LUZP2: variants seen among roughly 807,000 people sequenced by gnomAD.
LUZP2 encodes leucine zipper protein 2.
In LUZP2, 52 loss-of-function variants were observed where a neutral mutation model predicts 51.6. The ratio of observed to expected loss-of-function variants is 1.01; its 90% CI spans 0.81 to 1.27. The LOEUF is 1.27. Among genes scored for constraint, LUZP2 ranks in the 50% most tolerant of loss-of-function variants. The pLI, the probability that LUZP2 is intolerant of heterozygous loss-of-function variation, is 0.00. For missense variants in LUZP2, 436 were observed against 395.4 expected, an observed-to-expected ratio of 1.10 and a Z score of -0.87; for synonymous variants, 154 against 137.3, an observed-to-expected ratio of 1.12 and a Z score of -0.85.
At chr11:24,798,171 C>A (rs945490395) in intron 5 of LUZP2, among the ~76,000 whole-genome samples, 1 of 149,344 alleles carries the variant, frequency 6.7e-6, no homozygotes, top group Non-Finnish European at 1.5e-5. Context: ...TAATTAGCTT[C>A]TTTCTTTGAA....
chr11:24,766,863 G>A (rs936805463), intron 5 of LUZP2, among the ~76,000 whole-genome samples: 3 of 152,166 alleles, frequency 2.0e-5, no homozygotes, highest in Non-Finnish European at 4.4e-5. Context: ...TTGGGTTCAA[G>A]TGATACCCCT....
intron 1 of LUZP2, among the ~76,000 whole-genome samples, chr11:24,562,935 A>G (rs1324333470): frequency 1.3e-5 from 2 of 152,082 alleles, no homozygotes; most frequent in Non-Finnish European, 2.9e-5. Context: ...ATGAAAGGGT[A>G]AGATTGTGGG....
chr11:24,533,939 T>C (rs977772832), intron 1 of LUZP2, among the ~76,000 whole-genome samples: 2 of 151,342 alleles, frequency 1.3e-5, no homozygotes, highest in African/African-American at 4.8e-5. Context: ...TCTGCTGCAC[T>C]GTGTTGTGAA....
At chr11:24,917,711 A>G (rs1853840292) in intron 7 of LUZP2, among the ~76,000 whole-genome samples, 1 of 152,146 alleles carries the variant, frequency 6.6e-6, no homozygotes, top group Admixed American at 6.6e-5. Flanking sequence ...TTTTGGTACC[A>G]GTACCATGCT....
rs199633722 is a variant in LUZP2, at chr11:24,795,034, A to AACAT, written c.396+31728_396+31731dup. On this transcript the variant is annotated intron_variant, in intron 5 of 11. Transcript: ENST00000336930. ...AAAACTCACTTGCAAGTAGAATTCA[A>AACAT]ACATAGCTCCTTAACTTCTTAACCC... is the stretch of plus-strand genomic sequence containing the variant. Among the ~76,000 whole-genome samples the AACAT allele has an allele frequency of 8.4e-3, 1,272 of 152,210 alleles. 11 individuals carry two copies. The highest frequency in any genetic ancestry group is 0.014 in the Non-Finnish European group (928 of 67,972).
intron 6 of LUZP2, among the ~76,000 whole-genome samples, chr11:24,909,696 T>C (rs1357076117): frequency 6.6e-6 from 1 of 152,160 alleles, no homozygotes; most frequent in African/African-American, 2.4e-5. Context: ...AGAATTATCT[T>C]AGAGGGCCTC....
intron 5 of LUZP2, among the ~76,000 whole-genome samples, chr11:24,803,913 T>A (rs1215792808): frequency 6.6e-6 from 1 of 151,482 alleles, no homozygotes; most frequent in Non-Finnish European, 1.5e-5. Context: ...TGAGTTTTTC[T>A]TAGATATTGA....
Position 24,638,893 on chromosome 11 carries a change from C to T in LUZP2, c.63-90276C>T, listed in dbSNP as rs1370363404. ...AAAGAAAAGACAATTAATTCTAATA[C>T]ATTTATGAAAGATAATTTTCCCAGA... On this transcript the variant is annotated intron_variant, in intron 1 of 11. Coordinates refer to ENST00000336930, the MANE Select transcript of LUZP2 (RefSeq NM_001009909.4). Among the ~76,000 whole-genome samples the T allele has an allele frequency of 2.0e-5, 3 of 151,256 alleles. No homozygotes were observed. In the East Asian group the frequency reaches 5.8e-4, roughly 29 times the overall value.
At chr11:24,768,956 T>C (rs1418630227) in intron 5 of LUZP2, among the ~76,000 whole-genome samples, 1 of 152,238 alleles carries the variant, frequency 6.6e-6, no homozygotes, top group African/African-American at 2.4e-5. Context: ...CTCATGTTTA[T>C]TGCAGCACTA....
At chr11:24,543,134 A>G (rs998461944) in intron 1 of LUZP2, among the ~76,000 whole-genome samples, 13 of 152,018 alleles carry the variant, frequency 8.6e-5, no homozygotes, top group Non-Finnish European at 1.8e-4. Context: ...ATTTAATTGT[A>G]GGACAGATAA....
chr11:24,746,212 G>A (rs940282762), intron 4 of LUZP2, among the ~76,000 whole-genome samples: 4 of 152,134 alleles, frequency 2.6e-5, no homozygotes, highest in African/African-American at 9.7e-5. Flanking sequence ...TCAAGATTTA[G>A]CATTCCTTTT....
At chr11:24,583,609 A>G (rs778442500) in intron 1 of LUZP2, among the ~76,000 whole-genome samples, 1 of 152,072 alleles carries the variant, frequency 6.6e-6, no homozygotes, top group Non-Finnish European at 1.5e-5. Flanking sequence ...GAAAGTAGAC[A>G]CTTTTCATCT....
rs889353983 is a variant in LUZP2 at position 24,742,530 on chromosome 11, C to T, written c.333+4228C>T. The stretch of plus-strand genomic sequence containing the variant: ...GAGAATTATCTATTCATGTCCTTAG[C>T]CCACTTTTTGATGGGATTCTTTTTA... On this transcript the variant is annotated intron_variant, in intron 4 of 11. Coordinates refer to ENST00000336930, the MANE Select transcript of LUZP2 (RefSeq NM_001009909.4). Among the ~76,000 whole-genome samples, 11 of 151,872 alleles carry T rather than the reference C, an allele frequency of 7.2e-5. 1 individual carries two copies. Among genetic ancestry groups the T allele is most frequent in the Admixed American group, 2.0e-4 (3 of 15,200 alleles).
At chr11:24,536,186 GC>G (rs1278633517) in intron 1 of LUZP2, among the ~76,000 whole-genome samples, 2 of 151,716 alleles carry the variant, frequency 1.3e-5, no homozygotes, top group African/African-American at 4.8e-5. Flanking sequence ...AGTAGATTTA[GC>G]ATACCTCTTA....
chr11:24,646,485 T>C, intron 1 of LUZP2: 1 of 527,682 alleles, frequency 1.9e-6, no homozygotes, highest in African/African-American at 2.1e-5. Flanking sequence ...TTTCCTATCT[T>C]AATGCTTTAC....
intron 1 of LUZP2, among the ~76,000 whole-genome samples, chr11:24,500,898 C>T (rs867344381): frequency 1.2e-4 from 19 of 152,092 alleles, no homozygotes; most frequent in African/African-American, 4.1e-4. Flanking sequence ...GAAGATGCCC[C>T]GGGCTATTTG....
chr11:24,697,158 G>A (rs1006411698), intron 1 of LUZP2, among the ~76,000 whole-genome samples: 6 of 152,072 alleles, frequency 3.9e-5, no homozygotes, highest in African/African-American at 1.4e-4. Flanking sequence ...CTAACAAAAG[G>A]AAACAAGTTA....
chr11:24,754,500 A>G (rs183386302), intron 4 of LUZP2, among the ~76,000 whole-genome samples: 31 of 152,326 alleles, frequency 2.0e-4, no homozygotes, highest in African/African-American at 7.2e-4. Flanking sequence ...TTGTATCAAC[A>G]GGGTTACATG....
At chr11:24,786,337 T>G (rs1564890095) in intron 5 of LUZP2, 1 of 982,084 alleles carries the variant, frequency 1.0e-6, no homozygotes, top group East Asian at 1.1e-4. Flanking sequence ...GTAGTCAGAA[T>G]TCATGGGCAT....
Sources: gnomAD v4.1 joint callset for allele counts (sites outside exome capture counted in the v4.1 genomes callset) on GRCh38, gnomAD v4.1.1 for gene constraint, MANE v1.5 for transcripts, NCBI Gene and HGNC (gene_info 2026-07-23, HGNC 2026-07-21) for gene names.